USP34: variants seen among roughly 807,000 people sequenced by gnomAD.
USP34 encodes the protein ubiquitin carboxyl-terminal hydrolase 34.
USP34 carries 70 observed loss-of-function variants against 460.3 expected under a neutral mutation model. That is an observed-to-expected ratio of 0.15 (90% CI 0.13 to 0.19). The LOEUF (loss-of-function observed/expected upper bound fraction) is 0.19. USP34 is among the 10% of genes least tolerant of loss of function. The pLI is 1.00. For missense variants in USP34, 3,985 were observed against 4,236.2 expected, an observed-to-expected ratio of 0.94 and a Z score of 1.65; for synonymous variants, 1,647 against 1,405.3, an observed-to-expected ratio of 1.17 and a Z score of -3.85.
intron 57 of USP34, among the ~76,000 whole-genome samples, chr2:61,232,869 C>CT (rs1558480512): frequency 5.3e-5 from 6 of 113,880 alleles, no homozygotes; most frequent in Admixed American, 9.4e-5. Context: ...TTCCCCCCCC[C>CT]CTTTTTTTTT....
chr2:61,364,182 C>G (rs184684374), intron 10 of USP34, among the ~76,000 whole-genome samples: 1 of 152,254 alleles, frequency 6.6e-6, no homozygotes, highest in East Asian at 1.9e-4. Context: ...TGGAGACCAG[C>G]CTGAGCAATA....
At position 61,188,239 on chromosome 2, in the gene USP34, G is replaced by C. The variant is rs1686502552; in HGVS notation, c.10504C>G (p.Leu3502Val). 2 of 1,614,146 alleles carry C rather than the reference G, an allele frequency of 1.2e-6. No individual in the cohort carries two copies. The highest frequency in any genetic ancestry group is 1.1e-5 in the South Asian group (1 of 91,078). ...AGTCCTCTGGAATGGCCACAACTGA[G>C]AGATAAAGCAACCTCAGGGTCCTGG... The part of the protein sequence containing the change: ...PSQDPEVALS[L>V]SCGHSRGLFS... The change falls in exon 80 of 80, where the codon CTC (leucine) becomes GTC (valine). Residue 3502 changes from leucine to valine, a missense_variant. Around this residue, in one of 14 missense-constraint regions of USP34, gnomAD observed 506 missense variants for 439.0 expected, o/e 1.15. Coordinates refer to ENST00000398571, the MANE Select transcript of USP34 (RefSeq NM_014709.4).
At chr2:61,317,365 A>G (rs1690781449) in intron 23 of USP34, among the ~76,000 whole-genome samples, 1 of 152,126 alleles carries the variant, frequency 6.6e-6, no homozygotes, top group Non-Finnish European at 1.5e-5. Context: ...TGTCTCTACC[A>G]AAAATACAAA....
At chr2:61,437,322 G>T (rs1171453375) in intron 1 of USP34, among the ~76,000 whole-genome samples, 1 of 151,644 alleles carries the variant, frequency 6.6e-6, no homozygotes, top group Non-Finnish European at 1.5e-5. Context: ...CCAAATAAAA[G>T]AAATCAGAAA....
intron 2 of USP34, among the ~76,000 whole-genome samples, chr2:61,408,429 CTTTT>C (rs1367225771): frequency 3.3e-5 from 5 of 152,042 alleles, no homozygotes; most frequent in Admixed American, 1.3e-4. Context: ...TGCATCACAT[CTTTT>C]TTATCTGTGG....
rs543405658 is a variant in USP34 at position 61,229,574 on chromosome 2, G to C, written c.7173C>G (p.Leu2391=). ...IQRLRPVHAH[L]YLQPGMEDGS... ...CATCTTCCATTCCTGGCTGCAAATAGAGATGAGCATGCACAGGTCTCAGCC... is the reference window on the plus strand; with the variant it reads ...CATCTTCCATTCCTGGCTGCAAATACAGATGAGCATGCACAGGTCTCAGCC... The change falls in exon 59 of 80, where the codon CTC becomes CTG. Residue 2391 remains leucine (L), a synonymous_variant. Transcript: ENST00000398571. 1.3e-5 allele frequency: 21 copies of C among 1,606,728 alleles called. No homozygotes were observed. The highest frequency in any genetic ancestry group is 6.8e-5 in the African/African-American group (5 of 73,890).
chr2:61,257,133 T>G (rs1558494619), intron 45 of USP34, 25 bp from the exon 46 acceptor site: 1 of 1,572,296 alleles, frequency 6.4e-7, no homozygotes. Flanking sequence ...AAACAAAAAA[T>G]AAGAAACTAG....
chr2:61,426,961 C>T (rs1351526569), intron 1 of USP34, among the ~76,000 whole-genome samples: 1 of 152,210 alleles, frequency 6.6e-6, no homozygotes, highest in East Asian at 1.9e-4. Context: ...AAGGTGGTAC[C>T]TGTATGAGTC....
chr2:61,192,265 G>A (rs867830268), intron 76 of USP34, among the ~76,000 whole-genome samples: 10 of 152,194 alleles, frequency 6.6e-5, no homozygotes, highest in African/African-American at 2.4e-4. Flanking sequence ...AGGTAGTGGG[G>A]ATCCTTTATG....
At chr2:61,387,316 T>G (rs970217492) in intron 5 of USP34, among the ~76,000 whole-genome samples, 39 of 151,748 alleles carry the variant, frequency 2.6e-4, no homozygotes, top group South Asian at 8.3e-4. Flanking sequence ...TACAAAAAAT[T>G]TAGCCAGGCT....
intron 10 of USP34, among the ~76,000 whole-genome samples, chr2:61,354,955 C>T (rs989916221): frequency 6.6e-6 from 1 of 152,120 alleles, no homozygotes; most frequent in Non-Finnish European, 1.5e-5. Context: ...TGGGACCAGC[C>T]CAATCTCAGA....
At chr2:61,455,402 T>C (rs1435031598) in intron 1 of USP34, among the ~76,000 whole-genome samples, 1 of 152,148 alleles carries the variant, frequency 6.6e-6, no homozygotes, top group Non-Finnish European at 1.5e-5. Context: ...GGTCTCGAAC[T>C]CCTGAGCTCA....
At chr2:61,345,440 A>C (rs1691738942) in intron 15 of USP34, among the ~76,000 whole-genome samples, 1 of 152,188 alleles carries the variant, frequency 6.6e-6, no homozygotes, top group African/African-American at 2.4e-5. Flanking sequence ...ATTCTGGAAG[A>C]TCTGGCAAAT....
intron 48 of USP34, among the ~76,000 whole-genome samples, chr2:61,253,488 C>T (rs1219735358): frequency 6.6e-6 from 1 of 152,188 alleles, no homozygotes; most frequent in East Asian, 1.9e-4. Flanking sequence ...TACATAGCTA[C>T]GCTTTCATTT....
chr2:61,253,344 T>A (rs145582568), intron 48 of USP34, among the ~76,000 whole-genome samples: 202 of 152,346 alleles, frequency 1.3e-3, no homozygotes, highest in African/African-American at 4.8e-3. Context: ...AGACCCTTGA[T>A]GATCTTTTGG....
At chr2:61,274,785 T>C (rs570660765) in intron 41 of USP34, among the ~76,000 whole-genome samples, 1 of 152,320 alleles carries the variant, frequency 6.6e-6, no homozygotes, top group Admixed American at 6.5e-5. Context: ...CACAGACAGT[T>C]AACTTGGTTT....
At chr2:61,457,305 C>T (rs888137209) in intron 1 of USP34, among the ~76,000 whole-genome samples, 1 of 152,102 alleles carries the variant, frequency 6.6e-6, no homozygotes, top group Non-Finnish European at 1.5e-5. Flanking sequence ...ATTTCTGTTA[C>T]CATAGGAAGG....
intron 75 of USP34, among the ~76,000 whole-genome samples, chr2:61,196,974 A>G (rs577731199): frequency 6.6e-6 from 1 of 152,326 alleles, no homozygotes; most frequent in African/African-American, 2.4e-5. Flanking sequence ...TCTCTATTTT[A>G]CAAGTAAAGA....
intron 8 of USP34, among the ~76,000 whole-genome samples, chr2:61,370,918 C>T (rs1397079135): frequency 6.6e-6 from 1 of 152,144 alleles, no homozygotes; most frequent in Non-Finnish European, 1.5e-5. Flanking sequence ...TTGAAGCACT[C>T]AGGAAAGGTT....
Sources: allele counts gnomAD v4.1 joint callset (sites outside exome capture counted in the v4.1 genomes callset), GRCh38; gene constraint gnomAD v4.1.1; regional missense constraint gnomAD v4.1.1; transcripts MANE v1.5; gene names NCBI Gene and HGNC (gene_info 2026-07-23, HGNC 2026-07-21).